DAB2: variants seen among roughly 807,000 people sequenced by gnomAD.
DAB2 encodes the protein disabled homolog 2.
In DAB2, 28 loss-of-function variants were observed where a neutral mutation model predicts 71.6. That is an observed-to-expected ratio of 0.39 (90% CI 0.29 to 0.54). DAB2 has a LOEUF of 0.54. Among genes scored for constraint, DAB2 ranks in the 20% least tolerant of loss-of-function variants. DAB2 has a pLI of 0.68. For synonymous variants in DAB2, 345 were observed against 339.7 expected, an observed-to-expected ratio of 1.02 and a Z score of -0.17; for missense variants, 867 against 928.8, an observed-to-expected ratio of 0.93 and a Z score of 0.86.
At chr5:39,408,323 C>T (rs566016399) in intron 1 of DAB2, 4 of 152,214 alleles carry the variant, frequency 2.6e-5, no homozygotes, top group South Asian at 2.1e-4. Context: ...TAATCTAATT[C>T]GAATATGTTG....
chr5:39,375,672 G>A (rs1052091759), intron 13 of DAB2, among the ~76,000 whole-genome samples: 2 of 152,066 alleles, frequency 1.3e-5, no homozygotes, highest in African/African-American at 4.8e-5. Context: ...ATCACTTAAG[G>A]TCAGGAGTTT....
At chr5:39,401,083 T>C (rs1755486152) in intron 1 of DAB2, among the ~76,000 whole-genome samples, 1 of 152,232 alleles carries the variant, frequency 6.6e-6, no homozygotes, top group Non-Finnish European at 1.5e-5. Flanking sequence ...AATCCTTCCT[T>C]TAACTGCTTT....
chr5:39,410,884 T>A (rs1755712062), intron 1 of DAB2, among the ~76,000 whole-genome samples: 1 of 152,196 alleles, frequency 6.6e-6, no homozygotes, highest in African/African-American at 2.4e-5. Flanking sequence ...TTTTTCCTTT[T>A]CACTAAAATT....
At chr5:39,395,001 G>C (rs1202968796) in intron 1 of DAB2, among the ~76,000 whole-genome samples, 1 of 152,098 alleles carries the variant, frequency 6.6e-6, no homozygotes, top group Non-Finnish European at 1.5e-5. Flanking sequence ...ACACTTATTT[G>C]TATCAGGGAA....
At chr5:39,395,546 T>G (rs1208281608) in intron 1 of DAB2, among the ~76,000 whole-genome samples, 1 of 152,264 alleles carries the variant, frequency 6.6e-6, no homozygotes, top group Admixed American at 6.5e-5. Context: ...TGCACTTAGC[T>G]TGTTTACAGA....
At chr5:39,408,710 AAG>A (rs1366155786) in intron 1 of DAB2, 1 of 152,184 alleles carries the variant, frequency 6.6e-6, no homozygotes, top group Non-Finnish European at 1.5e-5. Context: ...TAAAAACAAA[AAG>A]TGACTTGATA....
rs748973944 is a variant in DAB2, at chr5:39,383,067, C to G, written c.892G>C (p.Asp298His). 1.9e-6 allele frequency: 3 copies of G among 1,613,880 alleles called. No homozygotes were observed. Among genetic ancestry groups the G allele is most frequent in the Non-Finnish European group, 2.5e-6 (3 of 1,180,016 alleles). ...GATTGGTCTGGCTGTGTGAAAGGAT[C>G]GTCACGGAAAGGATCAGGATTAGGG... The part of the protein sequence containing the change: ...PTPNPDPFRD[D>H]PFTQPDQSTP... The change falls in exon 10 of 15, where the codon GAT (aspartate) becomes CAT (histidine). Residue 298 changes from aspartate (D) to histidine (H), a missense_variant. Asp to His is a moderately conservative substitution (Grantham distance 81). Coordinates refer to ENST00000320816, the MANE Select transcript of DAB2 (RefSeq NM_001343.4).
intron 3 of DAB2, among the ~76,000 whole-genome samples, chr5:39,393,032 G>A (rs1285377114): frequency 6.6e-6 from 1 of 152,150 alleles, no homozygotes; most frequent in Non-Finnish European, 1.5e-5. Flanking sequence ...GAAGGAAAAG[G>A]CATCTAGAGT....
chr5:39,375,386 A>G (rs1754801333), intron 13 of DAB2, among the ~76,000 whole-genome samples: 1 of 152,204 alleles, frequency 6.6e-6, no homozygotes, highest in Non-Finnish European at 1.5e-5. Flanking sequence ...AAAGGTTTTC[A>G]AGACAGTATT....
At chr5:39,390,777 G>T (rs370979439) in intron 4 of DAB2, among the ~76,000 whole-genome samples, 1 of 152,180 alleles carries the variant, frequency 6.6e-6, no homozygotes, top group African/African-American at 2.4e-5. Flanking sequence ...GAAAACGTAA[G>T]TGGGAAGAAT....
chr5:39,385,423 G>T (rs1365485244), intron 9 of DAB2: 1 of 152,164 alleles, frequency 6.6e-6, no homozygotes, highest in Non-Finnish European at 1.5e-5. Context: ...CTTCTGAATA[G>T]TCACCCTATA....
chr5:39,411,248 C>T (rs370636652), intron 1 of DAB2, among the ~76,000 whole-genome samples: 31 of 152,168 alleles, frequency 2.0e-4, no homozygotes, highest in African/African-American at 6.5e-4. Context: ...TTAGTCTACC[C>T]GGGAATGTCA....
chr5:39,389,013 T>A, intron 7 of DAB2, 84 bp downstream of exon 7: 1 of 1,370,664 alleles, frequency 7.3e-7, no homozygotes, highest in Non-Finnish European at 1.0e-6. Context: ...ATAAGCGAGG[T>A]GGCGAGAGTG....
At chr5:39,417,917 A>G (rs1755886121) in intron 1 of DAB2, 1 of 152,232 alleles carries the variant, frequency 6.6e-6, no homozygotes, top group Non-Finnish European at 1.5e-5. Context: ...CCTCAGCTAT[A>G]GTTGAACCTT....
intron 4 of DAB2, among the ~76,000 whole-genome samples, 156 bp from the exon 5 acceptor site, chr5:39,390,731 A>G (rs1755206946): frequency 6.6e-6 from 1 of 152,138 alleles, no homozygotes; most frequent in Non-Finnish European, 1.5e-5. Context: ...CTAGAGCATT[A>G]CTCTTTCTAG....
rs139705821 is a variant in DAB2, at chr5:39,383,058, T to G, written c.901A>C (p.Thr301Pro). ...GAAGGTGTCGATTGGTCTGGCTGTG[T>G]GAAAGGATCGTCACGGAAAGGATCA... is the stretch of plus-strand genomic sequence containing the variant. ...NPDPFRDDPF[T>P]QPDQSTPSSF... The change falls in exon 10 of 15, where the codon ACA becomes CCA. Residue 301 changes from threonine (T) to proline (P), a missense_variant. Thr to Pro is a conservative substitution (Grantham distance 38). Transcript: ENST00000320816. 16 of 1,613,962 alleles carry G rather than the reference T, an allele frequency of 9.9e-6. No individual in the cohort carries two copies. The highest frequency in any genetic ancestry group is 6.7e-5 in the Admixed American group (4 of 59,996).
chr5:39,411,744 A>G (rs1242177836), intron 1 of DAB2, among the ~76,000 whole-genome samples: 1 of 152,200 alleles, frequency 6.6e-6, no homozygotes, highest in Non-Finnish European at 1.5e-5. Flanking sequence ...GCAGACAAGG[A>G]AGTTAAGACA....
intron 9 of DAB2, chr5:39,387,945 T>C (rs1325333388): frequency 6.2e-6 from 1 of 162,240 alleles, no homozygotes; most frequent in Non-Finnish European, 1.3e-5. Context: ...GCAAAAGAAA[T>C]GAAGAGGCCA....
In DAB2 at chr5:39,376,000, G is replaced by A. The variant is rs745559384; in HGVS notation, c.2244C>T (p.Ala748=). ...FFKDSFGSSQ[A]SVASSQPVSS... Reference sequence around the variant, plus strand: ...GCTTCTAGTAGTTCATACTTACAGAGGCTTGTGATGAACCAAAAGAATCTT... The same window carrying A: ...GCTTCTAGTAGTTCATACTTACAGAAGCTTGTGATGAACCAAAAGAATCTT... Residue 748 remains alanine (A), a synonymous_variant, in exon 13 of 15, where the codon GCC becomes GCT. Transcript: ENST00000320816. The A allele has an allele frequency of 5.6e-6, 9 of 1,611,418 alleles. No homozygotes were observed. In the African/African-American group the frequency reaches 1.2e-4, roughly 22 times the overall value.
Sources: gnomAD v4.1 joint callset for allele counts (sites outside exome capture counted in the v4.1 genomes callset) on GRCh38, gnomAD v4.1.1 for gene constraint, MANE v1.5 for transcripts, NCBI Gene and HGNC (gene_info 2026-07-23, HGNC 2026-07-21) for gene names.